The following MACROD2 variants were observed in gnomAD, a reference collection of about 807,000 sequenced individuals.
The protein encoded by MACROD2 is mono-ADP ribosylhydrolase 2.
MACROD2 carries 36 observed loss-of-function variants against 70.4 expected under a neutral mutation model. That is an observed-to-expected ratio of 0.51 (90% CI 0.39 to 0.68). MACROD2 has a LOEUF of 0.68. MACROD2 is among the 30% of genes least tolerant of loss of function. The pLI is 0.00. For synonymous variants in MACROD2, 172 were observed against 178.8 expected (o/e 0.96, Z 0.30); for missense variants, 496 against 538.4 (o/e 0.92, Z 0.78).
Position 14,070,323 on chromosome 20 carries a change from T to TTGTGTGTG in MACROD2, c.164-15284_164-15277dup, listed in dbSNP as rs57671586. On this transcript the variant is annotated intron_variant, in intron 2 of 17. Transcript: ENST00000684519. The stretch of plus-strand genomic sequence containing the variant: ...TGGATATGCTGGAGTATAGAGGGGT[T>TTGTGTGTG]TGTGTGTGTGTGTGTGTGTGTAATC... Among the ~76,000 whole-genome samples the TTGTGTGTG allele has an allele frequency of 1.1e-3, 162 of 150,796 alleles. 2 individuals are homozygous for TTGTGTGTG. In the East Asian group the frequency reaches 0.025, roughly 23 times the overall value.
chr20:15,809,683 G>A (rs1026282768), intron 8 of MACROD2, among the ~76,000 whole-genome samples: 5 of 151,928 alleles, frequency 3.3e-5, no homozygotes, highest in South Asian at 2.1e-4. Flanking sequence ...AACACCTCCC[G>A]TTAGGCCCCA....
chr20:14,868,555 G>A (rs138313727), intron 5 of MACROD2, among the ~76,000 whole-genome samples: 91 of 152,158 alleles, frequency 6.0e-4, no homozygotes, highest in African/African-American at 1.9e-3. Flanking sequence ...GATGACTTGA[G>A]CTTTCAAATT....
Position 14,883,458 on chromosome 20 carries a change from A to G in MACROD2, c.418+198499A>G, listed in dbSNP as rs2073633931. Among the ~76,000 whole-genome samples, 7 of 152,058 alleles carry G rather than the reference A, an allele frequency of 4.6e-5. No homozygotes were observed. The South Asian group carries it at 1.5e-3, about 32-fold the overall frequency. On this transcript the variant is annotated intron_variant, in intron 5 of 17. Coordinates refer to ENST00000684519, the MANE Select transcript of MACROD2 (RefSeq NM_001351661.2). ...GGCTCTGTGGTAAGCATGTCGGACT[A>G]ATGTCAGCTTTTGAAGTGAATTTTT...
intron 5 of MACROD2, among the ~76,000 whole-genome samples, chr20:15,087,477 G>A (rs763968923): frequency 7.2e-5 from 11 of 151,988 alleles, no homozygotes; most frequent in Non-Finnish European, 1.5e-4. Flanking sequence ...TGGTAAGAAT[G>A]TTTTATTTAA....
chr20:14,789,278 T>C (rs2072417302), intron 5 of MACROD2, among the ~76,000 whole-genome samples: 1 of 151,748 alleles, frequency 6.6e-6, no homozygotes, highest in Non-Finnish European at 1.5e-5. Context: ...CTAAACTAAA[T>C]GGTAATAAAA....
At chr20:15,108,978 C>T (rs1286324296) in intron 5 of MACROD2, among the ~76,000 whole-genome samples, 4 of 152,172 alleles carry the variant, frequency 2.6e-5, no homozygotes, top group Admixed American at 2.6e-4. Context: ...ACAGTTATTA[C>T]ATAGATCAAG....
At chr20:14,217,394 T>C (rs1431438081) in intron 3 of MACROD2, among the ~76,000 whole-genome samples, 1 of 152,184 alleles carries the variant, frequency 6.6e-6, no homozygotes, top group Non-Finnish European at 1.5e-5. Flanking sequence ...TGATATGTTG[T>C]TAGATTCGGT....
chr20:15,446,170 A>G (rs2146383905), intron 7 of MACROD2, among the ~76,000 whole-genome samples: 1 of 152,214 alleles, frequency 6.6e-6, no homozygotes, highest in Middle Eastern at 3.4e-3. Flanking sequence ...TTCTAGCCAA[A>G]TCCTGTTTAT....
intron 5 of MACROD2, among the ~76,000 whole-genome samples, chr20:15,083,400 A>G (rs1385335106): frequency 1.3e-5 from 2 of 152,156 alleles, no homozygotes; most frequent in Non-Finnish European, 2.9e-5. Context: ...ACTACTCGAC[A>G]ATGCTATTAA....
intron 5 of MACROD2, among the ~76,000 whole-genome samples, chr20:14,973,493 G>T (rs1273153820): frequency 6.6e-6 from 1 of 152,072 alleles, no homozygotes; most frequent in African/African-American, 2.4e-5. Context: ...AAAGTGGTGG[G>T]ATTACAGGCA....
intron 5 of MACROD2, among the ~76,000 whole-genome samples, chr20:15,216,306 C>T (rs1191359658): frequency 6.6e-6 from 1 of 151,500 alleles, no homozygotes; most frequent in African/African-American, 2.4e-5. Context: ...ATTTTATGTA[C>T]CCCAGAAATA....
At chr20:14,065,147 C>T (rs1424495857) in intron 2 of MACROD2, among the ~76,000 whole-genome samples, 4 of 152,294 alleles carry the variant, frequency 2.6e-5, no homozygotes, top group South Asian at 2.1e-4. Flanking sequence ...CAAGGCTGCA[C>T]GTAACAGAAA....
chr20:14,739,359 A>G (rs1687669948), intron 5 of MACROD2, among the ~76,000 whole-genome samples: 1 of 151,920 alleles, frequency 6.6e-6, no homozygotes, highest in Admixed American at 6.6e-5. Flanking sequence ...GCAAAAAAGG[A>G]CAGGATAATT....
At chr20:15,250,242 G>C (rs978320753) in intron 6 of MACROD2, among the ~76,000 whole-genome samples, 2 of 152,172 alleles carry the variant, frequency 1.3e-5, no homozygotes, top group African/African-American at 2.4e-5. Context: ...ATGAGTCTCT[G>C]ATTAGTGTTT....
intron 8 of MACROD2, among the ~76,000 whole-genome samples, chr20:15,503,532 A>G (rs2047389862): frequency 6.6e-6 from 1 of 152,244 alleles, no homozygotes; most frequent in Admixed American, 6.5e-5. Flanking sequence ...TCTTAAAAAA[A>G]GTCTTGAAAT....
chr20:15,555,035 C>G (rs981951811), intron 8 of MACROD2, among the ~76,000 whole-genome samples: 2 of 152,168 alleles, frequency 1.3e-5, no homozygotes, highest in African/African-American at 4.8e-5. Flanking sequence ...TTGAGTTATT[C>G]TTGATTTTAT....
intron 3 of MACROD2, among the ~76,000 whole-genome samples, chr20:14,106,982 C>G (rs953872371): frequency 3.9e-5 from 6 of 152,098 alleles, no homozygotes; most frequent in African/African-American, 1.4e-4. Context: ...CTTTAGTGCC[C>G]AGACACCAGT....
chr20:15,590,616 C>T (rs954163950), intron 8 of MACROD2, among the ~76,000 whole-genome samples: 1 of 152,142 alleles, frequency 6.6e-6, no homozygotes, highest in African/African-American at 2.4e-5. Flanking sequence ...GGCACGGTGG[C>T]TCACGCCTGT....
At chr20:14,776,770 C>T (rs2072239739) in intron 5 of MACROD2, among the ~76,000 whole-genome samples, 1 of 152,046 alleles carries the variant, frequency 6.6e-6, no homozygotes, top group African/African-American at 2.4e-5. Context: ...GAAATTTTAC[C>T]AGCTGGATGT....
Sources: gnomAD v4.1 joint callset for allele counts (sites outside exome capture counted in the v4.1 genomes callset) on GRCh38, gnomAD v4.1.1 for gene constraint, MANE v1.5 for transcripts, NCBI Gene and HGNC (gene_info 2026-07-23, HGNC 2026-07-21) for gene names.